The following ZNF521 variants were observed in gnomAD, a reference collection of about 807,000 sequenced individuals.
ZNF521 encodes the protein zinc finger protein 521.
A neutral mutation model predicts 105.5 loss-of-function variants in ZNF521; 14 were observed. That is an observed-to-expected ratio of 0.13 (90% CI 0.09 to 0.21). ZNF521 has a LOEUF of 0.21. ZNF521 is among the 10% of genes least tolerant of loss of function. The probability of loss-of-function intolerance (pLI) is 1.00; values close to 1 mark genes in which losing one functional copy is unlikely to be tolerated. For missense variants in ZNF521, 1,233 were observed against 1,629.7 expected (o/e 0.76, Z 4.19); for synonymous variants, 635 against 606.0 (o/e 1.05, Z -0.70).
At position 25,179,116 on chromosome 18, in the gene ZNF521, C is replaced by CTTTTTTTTTTTTTTTTTTTTTTTTTTTTT. The variant is rs1175859497; in HGVS notation, c.3658+16015_3658+16043dup. On this transcript the variant is annotated intron_variant, in intron 5 of 7. Coordinates refer to ENST00000361524, the MANE Select transcript of ZNF521 (RefSeq NM_015461.3). ...GACTTATACTTCTTTTTCTTTATTC[C>CTTTTTTTTTTTTTTTTTTTTTTTTTTTTT]TTTTTTTTTTTTTTTTTTTTTTTTT... is the stretch of plus-strand genomic sequence containing the variant. Among the ~76,000 whole-genome samples the CTTTTTTTTTTTTTTTTTTTTTTTTTTTTT allele has an allele frequency of 1.1e-4, 6 of 52,440 alleles. 2 individuals are homozygous for CTTTTTTTTTTTTTTTTTTTTTTTTTTTTT. The highest frequency in any genetic ancestry group is 1.7e-4 in the Non-Finnish European group (5 of 28,970). 34.4% of individuals were successfully genotyped at this position (52,440 alleles called of 152,430 possible). A position where few individuals can be genotyped will look rare whatever the true frequency, so the allele number is the denominator to read the frequency against.
chr18:25,286,664 T>G (rs1910723841), intron 3 of ZNF521, among the ~76,000 whole-genome samples: 1 of 152,240 alleles, frequency 6.6e-6, no homozygotes, highest in African/African-American at 2.4e-5. Flanking sequence ...ATTTTTTCAT[T>G]TCTTGAAATA....
chr18:25,221,201 G>C (rs1239985035), intron 4 of ZNF521, among the ~76,000 whole-genome samples: 1 of 152,174 alleles, frequency 6.6e-6, no homozygotes, highest in Non-Finnish European at 1.5e-5. Flanking sequence ...CAGAAGAAAT[G>C]GGATTCAAAC....
At chr18:25,142,927 A>C (rs2034876695) in intron 5 of ZNF521, among the ~76,000 whole-genome samples, 1 of 152,166 alleles carries the variant, frequency 6.6e-6, no homozygotes, top group African/African-American at 2.4e-5. Context: ...AACTATTCTA[A>C]CAGGTTATGG....
At chr18:25,172,082 A>C (rs530355299) in intron 5 of ZNF521, among the ~76,000 whole-genome samples, 35 of 152,292 alleles carry the variant, frequency 2.3e-4, no homozygotes, top group African/African-American at 8.2e-4. Flanking sequence ...GTTTTAATTG[A>C]AAAGAGTATT....
intron 5 of ZNF521, among the ~76,000 whole-genome samples, chr18:25,107,775 C>A (rs2034102888): frequency 6.6e-6 from 1 of 152,204 alleles, no homozygotes; most frequent in Non-Finnish European, 1.5e-5. Context: ...GCTGGTTCCC[C>A]TATCTCGCCT....
intron 3 of ZNF521, among the ~76,000 whole-genome samples, chr18:25,299,743 A>C (rs1911526287): frequency 6.6e-6 from 1 of 152,242 alleles, no homozygotes; most frequent in Admixed American, 6.5e-5. Flanking sequence ...AAAAGACTAC[A>C]GTTTAAGAAA....
At chr18:25,121,111 AT>A (rs5823467) in intron 5 of ZNF521, among the ~76,000 whole-genome samples, 18 of 118,674 alleles carry the variant, frequency 1.5e-4, no homozygotes, top group African/African-American at 2.9e-4. Context: ...AAGAAGGAGT[AT>A]TTTTTTTTTT....
chr18:25,239,970 T>C (rs535480662), intron 3 of ZNF521, among the ~76,000 whole-genome samples: 1 of 152,286 alleles, frequency 6.6e-6, no homozygotes, highest in South Asian at 2.1e-4. Flanking sequence ...CTCTCTTTTT[T>C]TTCAAGCCAT....
intron 5 of ZNF521, among the ~76,000 whole-genome samples, chr18:25,192,285 T>C (rs896178094): frequency 6.6e-6 from 1 of 152,196 alleles, no homozygotes; most frequent in Non-Finnish European, 1.5e-5. Flanking sequence ...GTCCACACCT[T>C]GCTGCAAAAC....
chr18:25,183,044 C>A (rs916938942), intron 5 of ZNF521, among the ~76,000 whole-genome samples: 2 of 151,986 alleles, frequency 1.3e-5, no homozygotes, highest in Non-Finnish European at 2.9e-5. Flanking sequence ...TAATAACTAT[C>A]AAATATTATA....
intron 2 of ZNF521, chr18:25,327,309 T>A: frequency 2.3e-6 from 1 of 437,866 alleles, no homozygotes; most frequent in Non-Finnish European, 3.1e-6. Context: ...TCTCCCCAAA[T>A]CACTGCAAAT....
intron 6 of ZNF521, among the ~76,000 whole-genome samples, chr18:25,089,855 G>A (rs545522239): frequency 4.6e-5 from 7 of 152,130 alleles, no homozygotes; most frequent in Admixed American, 2.6e-4. Flanking sequence ...AAATAAAGCC[G>A]AAAACTGTCA....
At chr18:25,298,947 C>A (rs1568064004) in intron 3 of ZNF521, among the ~76,000 whole-genome samples, 1 of 152,140 alleles carries the variant, frequency 6.6e-6, no homozygotes, top group Non-Finnish European at 1.5e-5. Context: ...TGGCTCCTTG[C>A]CAAACAGCCA....
At chr18:25,153,091 A>C (rs1187240362) in intron 5 of ZNF521, among the ~76,000 whole-genome samples, 2 of 152,200 alleles carry the variant, frequency 1.3e-5, no homozygotes, top group Non-Finnish European at 2.9e-5. Flanking sequence ...ATATTTTCTA[A>C]TGGTGCTGAT....
intron 2 of ZNF521, among the ~76,000 whole-genome samples, chr18:25,344,153 G>A (rs1486864154): frequency 6.7e-6 from 1 of 150,058 alleles, no homozygotes; most frequent in Non-Finnish European, 1.5e-5. Context: ...ACTAGAGGTG[G>A]AATGTGATGC....
chr18:25,219,563 C>T (rs1905558066), intron 4 of ZNF521, among the ~76,000 whole-genome samples: 1 of 152,122 alleles, frequency 6.6e-6, no homozygotes, highest in Non-Finnish European at 1.5e-5. Context: ...TTAGCTCACG[C>T]CTGTAATCCC....
At chr18:25,181,342 C>T (rs749105997) in intron 5 of ZNF521, among the ~76,000 whole-genome samples, 13 of 152,282 alleles carry the variant, frequency 8.5e-5, no homozygotes, top group Non-Finnish European at 1.9e-4. Flanking sequence ...TGATAGAACT[C>T]AGTATTAGTG....
intron 4 of ZNF521, among the ~76,000 whole-genome samples, chr18:25,197,979 CA>C (rs896829741): frequency 2.0e-5 from 3 of 151,536 alleles, no homozygotes; most frequent in African/African-American, 7.3e-5. Flanking sequence ...TAAAAGACAA[CA>C]AAAAAAGTCA....
intron 5 of ZNF521, among the ~76,000 whole-genome samples, chr18:25,120,428 C>A (rs543922979): frequency 6.6e-6 from 1 of 151,860 alleles, no homozygotes; most frequent in East Asian, 1.9e-4. Context: ...ACTAAAAATA[C>A]GAAAAATTAG....
Sources: gnomAD v4.1 joint callset for allele counts (sites outside exome capture counted in the v4.1 genomes callset) on GRCh38, gnomAD v4.1.1 for gene constraint, MANE v1.5 for transcripts, NCBI Gene and HGNC (gene_info 2026-07-23, HGNC 2026-07-21) for gene names.